Variants in DDN observed in about 807,000 individuals in gnomAD.
DDN encodes dendrin.
A neutral mutation model predicts 7.3 loss-of-function variants in DDN; 4 were observed. The observed-to-expected ratio is 0.55, with a 90% CI of 0.27 to 1.25. DDN has a LOEUF of 1.25. Ranked by LOEUF, DDN falls within the 50% of genes most tolerant of loss-of-function variation. The pLI is 0.12. For synonymous variants in DDN, 425 were observed against 424.3 expected, an observed-to-expected ratio of 1.00 and a Z score of -0.02; for missense variants, 933 against 974.7, an observed-to-expected ratio of 0.96 and a Z score of 0.57.
Position 48,998,501 on chromosome 12 carries a change from G to T in DDN, c.375C>A (p.Thr125=). The change falls in exon 2 of 2, where the codon ACC becomes ACA. Residue 125 remains threonine (T), a synonymous_variant. Coordinates refer to ENST00000421952, the MANE Select transcript of DDN (RefSeq NM_015086.2). ...CACCAGCCTTGCGCCTTTTTCGCTCGGTCTCCTTGGCCTCCCGCTCCTGCG... is the reference window on the plus strand; with the variant it reads ...CACCAGCCTTGCGCCTTTTTCGCTCTGTCTCCTTGGCCTCCCGCTCCTGCG... ...AASQEREAKE[T]ERKRRKAGGA... is the part of the protein sequence containing the mutation. 1 of 1,586,380 alleles carries T rather than the reference G, an allele frequency of 6.3e-7. No homozygotes were observed. The highest frequency in any genetic ancestry group is 2.3e-5 in the East Asian group (1 of 43,122).
At position 48,996,868 on chromosome 12, in the gene DDN, C is replaced by T; in HGVS notation, c.2008G>A (p.Asp670Asn). Residue 670 changes from aspartate (D) to asparagine (N), a missense_variant, in exon 2 of 2, where the codon GAT becomes AAT. Transcript: ENST00000421952. ...TCGCTCAGTTCCGCTGTCTTCCCAT[C>T]TTCCTCTGGCGAACTGTTTCCAACC... Reference protein sequence around the residue: ...PEVGNSSPEEDGKTAELSDSV... With the variant: ...PEVGNSSPEENGKTAELSDSV... The T allele has an allele frequency of 6.2e-7, 1 of 1,614,222 alleles. No homozygotes were observed. The highest frequency in any genetic ancestry group is 8.5e-7 in the Non-Finnish European group (1 of 1,180,032).
At position 48,997,301 on chromosome 12, in the gene DDN, C is replaced by A. The variant is rs1592263965; in HGVS notation, c.1575G>T (p.Gly525=). Residue 525 remains glycine, a synonymous_variant, in exon 2 of 2, where the codon GGG becomes GGT. Transcript: ENST00000421952. ...SSSRLLHQPG[G]GRGGEAEGGR... ...CGCCCTCAGCTTCGCCCCCGCGGCCCCCGCCGGGCTGGTGTAAAAGGCGAC... is the reference window on the plus strand; with the variant it reads ...CGCCCTCAGCTTCGCCCCCGCGGCCACCGCCGGGCTGGTGTAAAAGGCGAC... The A allele has an allele frequency of 6.2e-7, 1 of 1,609,208 alleles. No individual in the cohort carries two copies. The highest frequency in any genetic ancestry group is 8.5e-7 in the Non-Finnish European group (1 of 1,178,398).
At chr12:48,999,000 G>T in intron 1 of DDN, 79 bp downstream of exon 1, 1 of 1,468,762 alleles carries the variant, frequency 6.8e-7, no homozygotes, top group Non-Finnish European at 9.5e-7. Context: ...GACCAGCAGT[G>T]CTCGCTGGTG....
Position 48,996,073 on chromosome 12 carries a change from G to C in DDN, c.*667C>G, listed in dbSNP as rs770146673. ...TCCCAATTCTCATTCTTGGCTTGTC[G>C]AGGGGAGGATGAGATAGAGTCCTTT... On this transcript the variant is annotated 3_prime_UTR_variant, in exon 2 of 2. Coordinates refer to ENST00000421952, the MANE Select transcript of DDN (RefSeq NM_015086.2). 1.3e-5 allele frequency: 2 copies of C among 152,222 alleles called. No homozygotes were observed. Among genetic ancestry groups the C allele is most frequent in the Non-Finnish European group, 1.5e-5 (1 of 68,078 alleles). The allele number at this position is 152,222 out of a possible 1,614,324, so 9.4% of individuals were successfully genotyped here. A position where few individuals can be genotyped will look rare whatever the true frequency, so the allele number is the denominator to read the frequency against.
Position 48,996,792 on chromosome 12 carries a change from A to G in DDN, c.2084T>C (p.Phe695Ser). 2 of 1,614,114 alleles carry G rather than the reference A, an allele frequency of 1.2e-6. No individual in the cohort carries two copies. The highest frequency in any genetic ancestry group is 1.7e-6 in the Non-Finnish European group (2 of 1,180,006). The change falls in exon 2 of 2, where the codon TTC becomes TCC. Residue 695 changes from phenylalanine (F) to serine (S), a missense_variant. By Grantham distance (155) the Phe-to-Ser change is radical. Transcript: ENST00000421952. ...DVISQTEEVL[F>S]GVRDIRGTQQ... Reference sequence around the variant, plus strand: ...GGTCCCTCTGATGTCCCTCACCCCGAAGAGGACCTCCTCGGTTTGGCTTAT... The same window carrying G: ...GGTCCCTCTGATGTCCCTCACCCCGGAGAGGACCTCCTCGGTTTGGCTTAT...
rs775455743 is a variant in DDN, at chr12:48,996,720, C to G, written c.*20G>C. ...CCCAAGGATGGATGCGTTGGGGACA[C>G]AAATACAAGAAGGGGCCTCTCACTG... On this transcript the variant is annotated 3_prime_UTR_variant, in exon 2 of 2. Transcript: ENST00000421952. 2 of 1,607,234 alleles carry G rather than the reference C, an allele frequency of 1.2e-6. No individual in the cohort carries two copies. The highest frequency in any genetic ancestry group is 2.7e-5 in the African/African-American group (2 of 74,790).
Position 48,997,361 on chromosome 12 carries a change from G to T in DDN, c.1515C>A (p.Val505=), listed in dbSNP as rs1941222534. ...PGKEEGEGAT[V]FPSPCQKRLS... ...GCCGCTTTTGACAAGGGGAAGGAAA[G>T]ACCGTGGCCCCTTCACCCTCCTCCT... is the stretch of plus-strand genomic sequence containing the variant. The change falls in exon 2 of 2, where the codon GTC becomes GTA. Residue 505 remains valine (V), a synonymous_variant. Coordinates refer to ENST00000421952, the MANE Select transcript of DDN (RefSeq NM_015086.2). 1 of 1,612,544 alleles carries T rather than the reference G, an allele frequency of 6.2e-7. No individual in the cohort carries two copies. Among genetic ancestry groups the T allele is most frequent in the African/African-American group, 1.3e-5 (1 of 74,922 alleles).
At position 48,995,630 on chromosome 12, in the gene DDN, T is replaced by C. The variant is rs1941193541; in HGVS notation, c.*1110A>G. 1 of 152,260 alleles carries C rather than the reference T, an allele frequency of 6.6e-6. No homozygotes were observed. Among genetic ancestry groups the C allele is most frequent in the South Asian group, 2.1e-4 (1 of 4,834 alleles). The allele number at this position is 152,260 out of a possible 1,614,324, so 9.4% of individuals were successfully genotyped here. ...TATAGAGAGTATCACACCCCACGCC[T>C]GCTGGCTTCTGGTGACCGGCCTCTT... On this transcript the variant is annotated 3_prime_UTR_variant, in exon 2 of 2. Coordinates refer to ENST00000421952, the MANE Select transcript of DDN (RefSeq NM_015086.2).
At position 48,998,664 on chromosome 12, in the gene DDN, C is replaced by A; in HGVS notation, c.212G>T (p.Cys71Phe). The A allele has an allele frequency of 6.7e-7, 1 of 1,497,982 alleles. No homozygotes were observed. Among genetic ancestry groups the A allele is most frequent in the Middle Eastern group, 2.0e-4 (1 of 5,100 alleles). 92.8% of individuals were successfully genotyped at this position (1,497,982 alleles called of 1,614,324 possible). A position where few individuals can be genotyped will look rare whatever the true frequency, so the allele number is the denominator to read the frequency against. Residue 71 changes from cysteine (C) to phenylalanine (F), a missense_variant and splice_region_variant, in exon 2 of 2, where the codon TGT becomes TTT. Coordinates refer to ENST00000421952, the MANE Select transcript of DDN (RefSeq NM_015086.2). ...CTGTGGGGATCCCGGGCGCGGCCCA[C>A]ACCTGGGACAATGAGCAGGAACCCA... ...HWARGFQNRT[C>F]GPRPGSPQPP...
At position 48,997,759 on chromosome 12, in the gene DDN, C is replaced by A. The variant is rs1941232130; in HGVS notation, c.1117G>T (p.Glu373Ter). The A allele has an allele frequency of 6.2e-7, 1 of 1,607,216 alleles. No individual in the cohort carries two copies. Among genetic ancestry groups the A allele is most frequent in the Admixed American group, 1.7e-5 (1 of 59,410 alleles). The change falls in exon 2 of 2, where the codon GAA becomes TAA. Residue 373 changes from glutamate (E) to a stop codon, truncating the protein, a stop_gained. Coordinates refer to ENST00000421952, the MANE Select transcript of DDN (RefSeq NM_015086.2). LOFTEE classifies it low-confidence loss of function (END_TRUNC). ...RSRHHLKGSREGKEGEQIWFP... is the reference protein window; with the variant it reads ...RSRHHLKGSR ...CAGATCTGTTCTCCTTCTTTCCCTTCCCTCGAGCCCTTGAGGTGGTGCCTG... is the reference window on the plus strand; with the variant it reads ...CAGATCTGTTCTCCTTCTTTCCCTTACCTCGAGCCCTTGAGGTGGTGCCTG...
In DDN at chr12:48,997,972, C is replaced by T. The variant is rs749983892; in HGVS notation, c.904G>A (p.Ala302Thr). Residue 302 changes from alanine to threonine, a missense_variant, in exon 2 of 2, where the codon GCG (alanine) becomes ACG (threonine). Physicochemically the swap from Ala to Thr is moderately conservative, Grantham distance 58 (BLOSUM62 0). Transcript: ENST00000421952. The part of the protein sequence containing the change: ...GLLGGSPGCG[A>T]ARARPEPGKG... ...CCGGGCTCTGGCCTTGCTCTGGCCG[C>T]TCCACAGCCTGGGGATCCCCCCAAG... 1 of 1,613,248 alleles carries T rather than the reference C, an allele frequency of 6.2e-7. No homozygotes were observed. The highest frequency in any genetic ancestry group is 8.5e-7 in the Non-Finnish European group (1 of 1,180,014).
chr12:48,998,167 G>T lies in DDN; in HGVS notation c.709C>A (p.His237Asn). 1 of 1,613,096 alleles carries T rather than the reference G, an allele frequency of 6.2e-7. No homozygotes were observed. ...YVAPPSYEGP[H>N]RTLGTKRGPG... ...CCTCTCTTAGTCCCCAAGGTCCTAT[G>T]GGGGCCTTCGTAAGAAGGTGGAGCC... The change falls in exon 2 of 2, where the codon CAT (histidine) becomes AAT (asparagine). Residue 237 changes from histidine to asparagine, a missense_variant. Transcript: ENST00000421952.
rs533970966 is a variant in DDN at position 48,997,850 on chromosome 12, G to A, written c.1026C>T (p.Gly342=). ...CAGACCCCGCAGGAGCTATCTCGGT[G>A]CCTGCGCTCCCTGTAGCTTTGGCTT... ...HPQAKATGSA[G]TEIAPAGSAT... is the part of the protein sequence containing the mutation. Residue 342 remains glycine (G), a synonymous_variant, in exon 2 of 2, where the codon GGC becomes GGT. Transcript: ENST00000421952. 17 of 1,613,624 alleles carry A rather than the reference G, an allele frequency of 1.1e-5. No individual in the cohort carries two copies. In the South Asian group the frequency reaches 1.8e-4, roughly 17 times the overall value.
chr12:48,997,178 A>C lies in DDN; in HGVS notation c.1698T>G (p.Gly566=). Residue 566 remains glycine, a synonymous_variant, in exon 2 of 2, where the codon GGT becomes GGG. Coordinates refer to ENST00000421952, the MANE Select transcript of DDN (RefSeq NM_015086.2). Reference sequence around the variant, plus strand: ...GGCCTAAGGCTTGGTGCTCTGGGCTACCTGGCTGCGTGGGGGCGTCCCGCA... The same window carrying C: ...GGCCTAAGGCTTGGTGCTCTGGGCTCCCTGGCTGCGTGGGGGCGTCCCGCA... ...VNLRDAPTQP[G]SPEHQALGPA... is the part of the protein sequence containing the mutation. The C allele has an allele frequency of 1.3e-6, 2 of 1,564,344 alleles. No homozygotes were observed.
At chr12:48,998,962 A>G (rs1038784629) in intron 1 of DDN, 117 bp downstream of exon 1, 1 of 1,209,288 alleles carries the variant, frequency 8.3e-7, no homozygotes, top group Non-Finnish European at 1.2e-6. Flanking sequence ...GAGCGGGCAG[A>G]GGTGGAAGGC....
In DDN at chr12:48,997,131, C is replaced by T. The variant is rs1162274746; in HGVS notation, c.1745G>A (p.Gly582Asp). Residue 582 changes from glycine (G) to aspartate (D), a missense_variant, in exon 2 of 2, where the codon GGC (glycine) becomes GAC (aspartate). Physicochemically the swap from Gly to Asp is moderately conservative, Grantham distance 94. Transcript: ENST00000421952. The stretch of plus-strand genomic sequence containing the variant: ...CGCCACTTCCGACCCCTCGGCTCTG[C>T]CCTGGGCTCCCGAAGCTGCTGGGCC... ...ALGPAASGAQ[G>D]RAEGSEVAVV... 6.5e-7 allele frequency: 1 copy of T among 1,529,982 alleles called. No individual in the cohort carries two copies. The highest frequency in any genetic ancestry group is 2.2e-5 in the Admixed American group (1 of 45,992). 94.8% of individuals were successfully genotyped at this position (1,529,982 alleles called of 1,614,324 possible).
rs541387130 is a variant in DDN, at chr12:48,997,530, C to G, written c.1346G>C (p.Gly449Ala). 6.2e-7 allele frequency: 1 copy of G among 1,607,814 alleles called. No homozygotes were observed. The highest frequency in any genetic ancestry group is 1.3e-5 in the African/African-American group (1 of 74,962). The change falls in exon 2 of 2, where the codon GGG (glycine) becomes GCG (alanine). Residue 449 changes from glycine (G) to alanine (A), a missense_variant. Transcript: ENST00000421952. ...LPRSSQGLSR[G>A]EGVFVIDATC... is the part of the protein sequence containing the mutation. ...GGCGTCAATGACAAAGACGCCTTCC[C>G]CACGGGACAGGCCCTGGGAACTGCG...
chr12:48,997,053 G>C lies in DDN; in HGVS notation c.1823C>G (p.Ala608Gly), dbSNP rs570866519. The C allele has an allele frequency of 6.5e-7, 1 of 1,547,808 alleles. No individual in the cohort carries two copies. The highest frequency in any genetic ancestry group is 2.3e-5 in the East Asian group (1 of 43,812). Reference sequence around the variant, plus strand: ...GGACACGGCTTCTCGCAGGGCCCCGGCGTAGGGCCCTGGGGTCCGCGCCCA... The same window carrying C: ...GGACACGGCTTCTCGCAGGGCCCCGCCGTAGGGCCCTGGGGTCCGCGCCCA... Reference protein sequence around the residue: ...RGWARTPGPYAGALREAVSRI... With the variant: ...RGWARTPGPYGGALREAVSRI... Residue 608 changes from alanine (A) to glycine (G), a missense_variant, in exon 2 of 2, where the codon GCC (alanine) becomes GGC (glycine). Ala to Gly is a moderately conservative substitution (Grantham distance 60, BLOSUM62 0). Transcript: ENST00000421952.
Position 48,999,252 on chromosome 12 carries a change from G to A in DDN, c.36C>T (p.Asp12=). The A allele has an allele frequency of 1.3e-6, 2 of 1,563,092 alleles. No individual in the cohort carries two copies. Among genetic ancestry groups the A allele is most frequent in the Non-Finnish European group, 1.7e-6 (2 of 1,153,490 alleles). The stretch of plus-strand genomic sequence containing the variant: ...CCTCATCCTGGAGCTCCCGGGGGCT[G>A]TCAGGCCCCTCGGAGAACAGTGGGC... The part of the protein sequence containing the change: ...LDGPLFSEGP[D]SPRELQDEES... The change falls in exon 1 of 2, where the codon GAC becomes GAT. Residue 12 remains aspartate (D), a synonymous_variant. Transcript: ENST00000421952.
Sources: gnomAD v4.1 joint callset for allele counts on GRCh38, gnomAD v4.1.1 for gene constraint, MANE v1.5 for transcripts, NCBI Gene and HGNC (gene_info 2026-07-23, HGNC 2026-07-21) for gene names.